SLC35F4: variants seen among roughly 807,000 people sequenced by gnomAD.
SLC35F4 encodes the protein chromosome 14 open reading frame 36.
In SLC35F4, 24 loss-of-function variants were observed where a neutral mutation model predicts 44.2. The observed-to-expected ratio is 0.54, with a 90% CI of 0.39 to 0.76. SLC35F4 has a LOEUF of 0.76. Ranked by LOEUF, SLC35F4 falls within the 30% of genes least tolerant of loss-of-function variation. SLC35F4 has a pLI of 0.00. For missense variants in SLC35F4, 562 were observed against 586.1 expected (o/e 0.96, Z 0.42); for synonymous variants, 238 against 223.6 (o/e 1.06, Z -0.57).
intron 1 of SLC35F4, among the ~76,000 whole-genome samples, chr14:57,944,044 C>A (rs1345196890): frequency 6.6e-6 from 1 of 152,040 alleles, no homozygotes; most frequent in African/African-American, 2.4e-5. Context: ...CAACCCCCTC[C>A]CCAAATGAAC....
intron 1 of SLC35F4, among the ~76,000 whole-genome samples, chr14:57,726,022 C>T (rs975184164): frequency 1.3e-4 from 20 of 152,178 alleles, no homozygotes; most frequent in Admixed American, 1.1e-3. Flanking sequence ...GGATTGCCAA[C>T]TGGATACTTT....
intron 1 of SLC35F4, among the ~76,000 whole-genome samples, chr14:57,871,909 A>G (rs995295761): frequency 6.6e-6 from 1 of 152,240 alleles, no homozygotes; most frequent in Non-Finnish European, 1.5e-5. Context: ...TAAATACTGC[A>G]TTTAATTTTC....
intron 1 of SLC35F4, among the ~76,000 whole-genome samples, chr14:57,805,170 T>C (rs1367871571): frequency 1.3e-5 from 2 of 152,220 alleles, no homozygotes; most frequent in Non-Finnish European, 2.9e-5. Flanking sequence ...ACACTGTTGG[T>C]GGGAGTGTAA....
At chr14:57,650,820 A>G (rs1447262875) in intron 1 of SLC35F4, among the ~76,000 whole-genome samples, 1 of 151,952 alleles carries the variant, frequency 6.6e-6, no homozygotes, top group Non-Finnish European at 1.5e-5. Context: ...GGTTCTGTGT[A>G]GTGTTCTCAA....
At chr14:57,590,520 T>C (rs541184449) in intron 2 of SLC35F4, among the ~76,000 whole-genome samples, 40 of 152,346 alleles carry the variant, frequency 2.6e-4, no homozygotes, top group African/African-American at 9.6e-4. Flanking sequence ...TAAATTCTGC[T>C]TTGTACTTTT....
At chr14:57,577,245 A>G (rs1161697240) in intron 4 of SLC35F4, among the ~76,000 whole-genome samples, 1 of 152,202 alleles carries the variant, frequency 6.6e-6, no homozygotes, top group East Asian at 1.9e-4. Flanking sequence ...AAAGAAGTAT[A>G]TGCTATACCA....
intron 1 of SLC35F4, among the ~76,000 whole-genome samples, chr14:57,700,102 A>C (rs1192919737): frequency 2.6e-5 from 4 of 152,178 alleles, no homozygotes; most frequent in Non-Finnish European, 5.9e-5. Flanking sequence ...ATGCATTGTT[A>C]GGTGATTTTG....
At chr14:57,619,239 T>C (rs2072039357) in intron 1 of SLC35F4, among the ~76,000 whole-genome samples, 1 of 152,170 alleles carries the variant, frequency 6.6e-6, no homozygotes, top group Non-Finnish European at 1.5e-5. Flanking sequence ...CCATTTATCC[T>C]GACTGGAAGA....
At chr14:57,606,707 A>G (rs889228731) in intron 1 of SLC35F4, among the ~76,000 whole-genome samples, 8 of 152,134 alleles carry the variant, frequency 5.3e-5, no homozygotes, top group African/African-American at 1.9e-4. Context: ...ATACTCCTTT[A>G]TGGACTGTAG....
chr14:57,976,989 C>T (rs901143334), intron 1 of SLC35F4: 2 of 152,034 alleles, frequency 1.3e-5, no homozygotes, highest in Admixed American at 6.6e-5. Flanking sequence ...AATTTAGATG[C>T]CTCAGTAAGA....
intron 1 of SLC35F4, among the ~76,000 whole-genome samples, chr14:57,627,980 A>G (rs534449473): frequency 2.0e-5 from 3 of 152,234 alleles, no homozygotes; most frequent in South Asian, 4.1e-4. Context: ...TAAAGATCTC[A>G]ATTCACCTAT....
chr14:57,643,546 T>C (rs936810102), intron 1 of SLC35F4, among the ~76,000 whole-genome samples: 3 of 152,114 alleles, frequency 2.0e-5, no homozygotes, highest in African/African-American at 7.2e-5. Context: ...ACTTAAGACC[T>C]ACAGTAGGTA....
At chr14:57,818,108 T>C (rs1356845238) in intron 1 of SLC35F4, among the ~76,000 whole-genome samples, 1 of 152,164 alleles carries the variant, frequency 6.6e-6, no homozygotes, top group Non-Finnish European at 1.5e-5. Flanking sequence ...AATTTGGTAA[T>C]GGCAGAGGCC....
chr14:57,636,051 T>C (rs1203712067), intron 1 of SLC35F4, among the ~76,000 whole-genome samples: 3 of 152,146 alleles, frequency 2.0e-5, no homozygotes, highest in Admixed American at 1.3e-4. Flanking sequence ...TGTTAATAGG[T>C]GGCTTCAGGA....
At chr14:57,800,361 T>C (rs1220886427) in intron 1 of SLC35F4, among the ~76,000 whole-genome samples, 1 of 152,110 alleles carries the variant, frequency 6.6e-6, no homozygotes, top group East Asian at 1.9e-4. Context: ...CATTCAAATG[T>C]CGGCAACTTC....
intron 1 of SLC35F4, among the ~76,000 whole-genome samples, chr14:57,950,498 T>A (rs748204610): frequency 1.3e-5 from 2 of 152,120 alleles, no homozygotes; most frequent in Non-Finnish European, 2.9e-5. Context: ...AGTAGCTTAA[T>A]AATCAACCTT....
chr14:57,815,820 C>T lies in SLC35F4; in HGVS notation c.103+49903G>A, dbSNP rs551210317. ...GCCAGCAATAACTTTTCTTACATTC[C>T]TCCTCATAGGCACAAATTTTTTTAA... On this transcript the variant is annotated intron_variant, in intron 1 of 7. Coordinates refer to ENST00000556826, the MANE Select transcript of SLC35F4 (RefSeq NM_001306087.2). Among the ~76,000 whole-genome samples the T allele has an allele frequency of 2.6e-5, 4 of 152,198 alleles. No homozygotes were observed. In the East Asian group the frequency reaches 7.7e-4, roughly 29 times the overall value.
chr14:57,607,712 A>T (rs1334458511), intron 1 of SLC35F4, among the ~76,000 whole-genome samples: 1 of 152,216 alleles, frequency 6.6e-6, no homozygotes, highest in East Asian at 1.9e-4. Flanking sequence ...TCACTGTGTA[A>T]CGTGGAGAAC....
chr14:57,971,009 G>A (rs1407118848), intron 1 of SLC35F4, among the ~76,000 whole-genome samples: 2 of 152,136 alleles, frequency 1.3e-5, no homozygotes, highest in African/African-American at 4.8e-5. Context: ...TATCTGTTAT[G>A]TGTTAATTGA....
Sources: allele counts gnomAD v4.1 joint callset (sites outside exome capture counted in the v4.1 genomes callset), GRCh38; gene constraint gnomAD v4.1.1; transcripts MANE v1.5; gene names NCBI Gene and HGNC (gene_info 2026-07-23, HGNC 2026-07-21).